Variants in DLG2 observed in about 807,000 individuals in gnomAD.
The protein encoded by DLG2 is disks large homolog 2.
Under a neutral mutation model 132.5 loss-of-function variants are expected in DLG2, and 45 were observed. That is an observed-to-expected ratio of 0.34 (90% CI 0.27 to 0.44). DLG2 has a LOEUF of 0.44. Ranked by LOEUF, DLG2 falls within the 20% of genes least tolerant of loss-of-function variation. The pLI, the probability that DLG2 is intolerant of heterozygous loss-of-function variation, is 1.00. For synonymous variants in DLG2, 424 were observed against 419.6 expected, an observed-to-expected ratio of 1.01 and a Z score of -0.13; for missense variants, 1,045 against 1,196.9, an observed-to-expected ratio of 0.87 and a Z score of 1.87.
intron 3 of DLG2, among the ~76,000 whole-genome samples, chr11:85,309,849 G>C (rs562044194): frequency 6.6e-6 from 1 of 152,198 alleles, no homozygotes; most frequent in South Asian, 2.1e-4. Flanking sequence ...TGTGTTTTGT[G>C]TTTGCCTCTG....
At chr11:84,884,668 AG>A (rs1273792334) in intron 6 of DLG2, among the ~76,000 whole-genome samples, 1 of 151,744 alleles carries the variant, frequency 6.6e-6, no homozygotes, top group African/African-American at 2.4e-5. Flanking sequence ...TCCTTTTAGA[AG>A]TTTTTTTTTT....
intron 6 of DLG2, among the ~76,000 whole-genome samples, chr11:85,060,021 A>C (rs2063882317): frequency 6.6e-6 from 1 of 151,618 alleles, no homozygotes; most frequent in African/African-American, 2.4e-5. Flanking sequence ...CTATAAGCAC[A>C]ATGCTGTACA....
intron 11 of DLG2, among the ~76,000 whole-genome samples, chr11:84,037,888 T>G (rs1220717389): frequency 6.6e-6 from 1 of 152,116 alleles, no homozygotes; most frequent in Non-Finnish European, 1.5e-5. Context: ...CAAAAAGTAA[T>G]CACTTTTTTC....
In DLG2 at chr11:85,041,946, G is replaced by A. The variant is rs548749968; in HGVS notation, c.357+69715C>T. Among the ~76,000 whole-genome samples the A allele has an allele frequency of 4.6e-5, 7 of 151,960 alleles. No individual in the cohort carries two copies. The South Asian group carries it at 6.2e-4, about 14-fold the overall frequency. On this transcript the variant is annotated intron_variant, in intron 6 of 27. Transcript: ENST00000376104. The stretch of plus-strand genomic sequence containing the variant: ...GGAGAGTCAGAAGTGAGGCAGATGG[G>A]AGGGGAGAAATGAAAAATTACCTAT...
intron 6 of DLG2, among the ~76,000 whole-genome samples, chr11:84,568,224 T>C (rs924923220): frequency 6.6e-6 from 1 of 152,112 alleles, no homozygotes; most frequent in Admixed American, 6.5e-5. Flanking sequence ...CCAACCAACC[T>C]CTGGCTGAGT....
Position 84,008,351 on chromosome 11 carries a change from G to A in DLG2, c.920-27709C>T, listed in dbSNP as rs993609580. 5.9e-5 allele frequency among the ~76,000 whole-genome samples: 9 copies of A among 151,830 alleles called. No homozygotes were observed. The East Asian group carries it at 1.5e-3, about 26-fold the overall frequency. ...GACATAAATACAATTTAATTAATAT[G>A]CAATGTTTGGCTTTTGCAGCACAAT... is the stretch of plus-strand genomic sequence containing the variant. On this transcript the variant is annotated intron_variant, in intron 11 of 27. Transcript: ENST00000376104.
intron 6 of DLG2, among the ~76,000 whole-genome samples, chr11:84,733,326 C>G (rs546022846): frequency 2.0e-5 from 3 of 151,962 alleles, no homozygotes; most frequent in African/African-American, 7.2e-5. Flanking sequence ...TTTTAATGAT[C>G]GCCATTCTAA....
chr11:85,179,324 T>A (rs1027556286), intron 4 of DLG2, among the ~76,000 whole-genome samples: 5 of 151,518 alleles, frequency 3.3e-5, no homozygotes, highest in Non-Finnish European at 7.4e-5. Context: ...AGGACGTACT[T>A]CAGCAAAAAG....
At chr11:83,593,615 G>A (rs149280317) in intron 19 of DLG2, among the ~76,000 whole-genome samples, 2,885 of 149,616 alleles carry the variant, frequency 0.019, 42 homozygotes, top group Non-Finnish European at 0.029. Flanking sequence ...TGCACAATGT[G>A]CACATGTACC....
intron 15 of DLG2, among the ~76,000 whole-genome samples, chr11:83,918,672 A>C (rs1037386065): frequency 1.3e-5 from 2 of 152,252 alleles, no homozygotes; most frequent in East Asian, 3.9e-4. Flanking sequence ...ACAGGAACAG[A>C]GCTGCTGTGG....
intron 16 of DLG2, among the ~76,000 whole-genome samples, chr11:83,850,156 GTGTGTTT>G (rs1287928560): frequency 0.022 from 2,924 of 133,036 alleles, 123 homozygotes; most frequent in African/African-American, 0.09. Context: ...GTGTGTGTGT[GTGTGTTT>G]TTTTACTTGA....
In DLG2 at chr11:83,857,332, G is replaced by C. The variant is rs1057386863; in HGVS notation, c.1565+17088C>G. Among the ~76,000 whole-genome samples the C allele has an allele frequency of 5.3e-5, 8 of 152,212 alleles. No homozygotes were observed. The East Asian group carries it at 1.5e-3, about 29-fold the overall frequency. On this transcript the variant is annotated intron_variant, in intron 16 of 27. Coordinates refer to ENST00000376104, the MANE Select transcript of DLG2 (RefSeq NM_001142699.3). The stretch of plus-strand genomic sequence containing the variant: ...TTTGGTTCCATATGATTTTAAAATA[G>C]TTTTTTTCTAGTTCTGTGAAGAATC...
chr11:85,464,957 C>T (rs976933388), intron 3 of DLG2, among the ~76,000 whole-genome samples: 1 of 150,596 alleles, frequency 6.6e-6, no homozygotes, highest in Non-Finnish European at 1.5e-5. Context: ...ACTTGTAATC[C>T]CAGCTACTTG....
chr11:85,318,730 C>T (rs1251023783), intron 3 of DLG2, among the ~76,000 whole-genome samples: 1 of 151,578 alleles, frequency 6.6e-6, no homozygotes, highest in African/African-American at 2.4e-5. Context: ...AAGGAAAGAC[C>T]ATAAGGAAAC....
chr11:83,786,894 A>G, intron 17 of DLG2, 102 bp from the exon 18 acceptor site: 1 of 852,702 alleles, frequency 1.2e-6, no homozygotes, highest in South Asian at 1.5e-5. Context: ...ATTATATCAC[A>G]TGCCTCAGAA....
intron 18 of DLG2, among the ~76,000 whole-genome samples, chr11:83,748,240 G>A (rs1005328743): frequency 2.6e-5 from 4 of 152,140 alleles, no homozygotes; most frequent in African/African-American, 9.7e-5. Context: ...CTCCCAGGAC[G>A]ATATCACTGA....
intron 6 of DLG2, among the ~76,000 whole-genome samples, chr11:84,882,210 A>G (rs995116339): frequency 6.6e-6 from 1 of 152,074 alleles, no homozygotes; most frequent in Non-Finnish European, 1.5e-5. Flanking sequence ...TCAACACCAA[A>G]CTTTCTGAAG....
chr11:85,511,606 G>A (rs575751994), intron 3 of DLG2, among the ~76,000 whole-genome samples: 1 of 151,900 alleles, frequency 6.6e-6, no homozygotes, highest in South Asian at 2.1e-4. Flanking sequence ...GCAATACAAG[G>A]GACTATGCAT....
intron 5 of DLG2, among the ~76,000 whole-genome samples, chr11:85,130,217 A>G (rs1403583316): frequency 6.6e-6 from 1 of 152,206 alleles, no homozygotes; most frequent in African/African-American, 2.4e-5. Context: ...CTAAAAAATT[A>G]TTCTCCAGTA....
Sources: allele counts gnomAD v4.1 joint callset (sites outside exome capture counted in the v4.1 genomes callset), GRCh38; gene constraint gnomAD v4.1.1; transcripts MANE v1.5; gene names NCBI Gene and HGNC (gene_info 2026-07-23, HGNC 2026-07-21).